INPP4B: variants seen among roughly 807,000 people sequenced by gnomAD.
INPP4B encodes the protein inositol polyphosphate 4-phosphatase type II.
A neutral mutation model predicts 122.5 loss-of-function variants in INPP4B; 55 were observed. The observed-to-expected ratio is 0.45, with a 90% CI of 0.36 to 0.56. The LOEUF is 0.56. Among genes scored for constraint, INPP4B ranks in the 20% least tolerant of loss-of-function variants. The pLI, the probability that INPP4B is intolerant of heterozygous loss-of-function variation, is 0.00. For missense variants in INPP4B, 1,000 were observed against 1,097.7 expected (o/e 0.91, Z 1.26); for synonymous variants, 403 against 388.7 (o/e 1.04, Z -0.43).
intron 9 of INPP4B, among the ~76,000 whole-genome samples, chr4:142,294,582 C>A (rs1757774007): frequency 6.6e-6 from 1 of 151,708 alleles, no homozygotes; most frequent in African/African-American, 2.4e-5. Context: ...TCTGCACATA[C>A]AAAAATGTGC....
intron 2 of INPP4B, among the ~76,000 whole-genome samples, chr4:142,576,673 C>T (rs1182777955): frequency 1.3e-5 from 2 of 151,954 alleles, no homozygotes; most frequent in Middle Eastern, 6.3e-3. Context: ...ACCAAAAGCA[C>T]ACCTGTAGTT....
intron 1 of INPP4B, among the ~76,000 whole-genome samples, chr4:142,837,006 A>T (rs1233084511): frequency 2.6e-5 from 4 of 152,046 alleles, no homozygotes; most frequent in Non-Finnish European, 5.9e-5. Flanking sequence ...CCTATACTTA[A>T]AATACAAAAG....
chr4:142,119,028 A>AACAGAC, intron 21 of INPP4B, among the ~76,000 whole-genome samples: 1 of 152,350 alleles, frequency 6.6e-6, no homozygotes, highest in South Asian at 2.1e-4. Flanking sequence ...TTATGCAGCC[A>AACAGAC]ACAGACACAT....
chr4:142,074,338 C>G (rs1184904010), intron 25 of INPP4B, among the ~76,000 whole-genome samples: 5 of 151,988 alleles, frequency 3.3e-5, no homozygotes, highest in African/African-American at 1.2e-4. Flanking sequence ...TTTTGTGTTA[C>G]TGAGAAAATA....
Position 142,778,799 on chromosome 4 carries a change from T to C in INPP4B, c.-253-52898A>G, listed in dbSNP as rs746049610. On this transcript the variant is annotated intron_variant, in intron 1 of 25. Transcript: ENST00000262992. The stretch of plus-strand genomic sequence containing the variant: ...TTTACCTTCCAAGGATGTAGAGGGT[T>C]ATTTCATTTTCAATATATTCTTTCT... 3.3e-5 allele frequency among the ~76,000 whole-genome samples: 5 copies of C among 152,176 alleles called. No individual in the cohort carries two copies. In the East Asian group the frequency reaches 9.6e-4, roughly 29 times the overall value.
At chr4:142,747,895 T>A (rs1007937017) in intron 1 of INPP4B, among the ~76,000 whole-genome samples, 3 of 151,998 alleles carry the variant, frequency 2.0e-5, no homozygotes, top group Admixed American at 1.3e-4. Context: ...GGGGAAGGGA[T>A]ACCATTAGGA....
At chr4:142,187,023 G>A (rs942490697) in intron 15 of INPP4B, among the ~76,000 whole-genome samples, 7 of 152,034 alleles carry the variant, frequency 4.6e-5, no homozygotes, top group African/African-American at 9.7e-5. Context: ...GACCTAGCCC[G>A]TATTTGCCAA....
At chr4:142,293,828 C>G (rs1263257677) in intron 9 of INPP4B, among the ~76,000 whole-genome samples, 3 of 152,252 alleles carry the variant, frequency 2.0e-5, no homozygotes, top group African/African-American at 7.2e-5. Context: ...AACTTCCTAT[C>G]TCCACTTTAG....
At chr4:142,523,955 A>G (rs1383280477) in intron 2 of INPP4B, among the ~76,000 whole-genome samples, 1 of 146,964 alleles carries the variant, frequency 6.8e-6, no homozygotes, top group African/African-American at 2.5e-5. Flanking sequence ...ATGATTTCCA[A>G]TTTCATCCAT....
At chr4:142,752,293 T>C (rs896415309) in intron 1 of INPP4B, among the ~76,000 whole-genome samples, 2 of 152,122 alleles carry the variant, frequency 1.3e-5, no homozygotes, top group African/African-American at 2.4e-5. Context: ...GATGTGGGCC[T>C]AGGAAATAAA....
intron 2 of INPP4B, among the ~76,000 whole-genome samples, chr4:142,629,629 AAAC>A (rs1747470071): frequency 6.6e-6 from 1 of 152,052 alleles, no homozygotes; most frequent in African/African-American, 2.4e-5. Flanking sequence ...CTAGTCAATA[AAAC>A]AATATAGAGC....
At chr4:142,650,984 TG>T (rs1208503899) in intron 2 of INPP4B, among the ~76,000 whole-genome samples, 1 of 152,052 alleles carries the variant, frequency 6.6e-6, no homozygotes, top group African/African-American at 2.4e-5. Context: ...AAGCACTCCT[TG>T]GCAAATGCAA....
intron 14 of INPP4B, among the ~76,000 whole-genome samples, chr4:142,200,566 C>A (rs1271552048): frequency 6.6e-6 from 1 of 151,216 alleles, no homozygotes; most frequent in East Asian, 1.9e-4. Context: ...ATTTTTCATT[C>A]TTTTTATTAT....
At chr4:142,643,626 ACAG>A (rs1207216257) in intron 2 of INPP4B, among the ~76,000 whole-genome samples, 2 of 152,170 alleles carry the variant, frequency 1.3e-5, no homozygotes, top group Non-Finnish European at 2.9e-5. Context: ...TAACTCTGTA[ACAG>A]CTCCTTGTTC....
At chr4:142,703,025 G>A (rs1762017710) in intron 2 of INPP4B, among the ~76,000 whole-genome samples, 1 of 152,152 alleles carries the variant, frequency 6.6e-6, no homozygotes, top group East Asian at 1.9e-4. Flanking sequence ...ATGTTATTTT[G>A]TGCAAGTTAC....
At chr4:142,564,421 T>C (rs1477243982) in intron 2 of INPP4B, among the ~76,000 whole-genome samples, 2 of 121,330 alleles carry the variant, frequency 1.6e-5, no homozygotes, top group Non-Finnish European at 3.4e-5. Context: ...TAGAAAAATG[T>C]AGTGTCTTAA....
chr4:142,627,287 A>AT (rs1206640994), intron 2 of INPP4B, among the ~76,000 whole-genome samples: 1 of 150,794 alleles, frequency 6.6e-6, no homozygotes, highest in East Asian at 1.9e-4. Flanking sequence ...TTCCAACACT[A>AT]TGTTGAATAG....
intron 2 of INPP4B, among the ~76,000 whole-genome samples, chr4:142,559,923 T>G (rs2150114623): frequency 6.6e-6 from 1 of 152,328 alleles, no homozygotes; most frequent in South Asian, 2.1e-4. Flanking sequence ...TTTTATACAC[T>G]TTAAAAATCT....
At chr4:142,182,734 G>A (rs2645819) in intron 15 of INPP4B, among the ~76,000 whole-genome samples, 151,067 of 152,092 alleles carry the variant, frequency 0.99, 75,031 homozygotes, top group East Asian at 1. Flanking sequence ...GCATTTACCC[G>A]GTTATAGAAA....
Sources: gnomAD v4.1 joint callset for allele counts (sites outside exome capture counted in the v4.1 genomes callset) on GRCh38, gnomAD v4.1.1 for gene constraint, MANE v1.5 for transcripts, NCBI Gene and HGNC (gene_info 2026-07-23, HGNC 2026-07-21) for gene names.